RAI1: variants seen among roughly 807,000 people sequenced by gnomAD.
The protein encoded by RAI1 is retinoic acid-induced protein 1.
Under a neutral mutation model 123.8 loss-of-function variants are expected in RAI1, and 9 were observed. The observed-to-expected ratio is 0.07, with a 90% confidence interval of 0.04 to 0.13. The LOEUF (loss-of-function observed/expected upper bound fraction) is 0.13. RAI1 is among the 10% of genes least tolerant of loss of function. The pLI, the probability that RAI1 is intolerant of heterozygous loss-of-function variation, is 1.00. For missense variants in RAI1, 2,256 were observed against 2,545.8 expected (o/e 0.89, Z 2.45); for synonymous variants, 1,231 against 1,127.3 (o/e 1.09, Z -1.84).
At chr17:17,791,962 G>A (rs2032026375) in intron 2 of RAI1, among the ~76,000 whole-genome samples, 1 of 152,170 alleles carries the variant, frequency 6.6e-6, no homozygotes, top group African/African-American at 2.4e-5. Flanking sequence ...GGGCTCTTGA[G>A]TGTTGCCTGC....
At chr17:17,731,420 G>C (rs1387982558) in intron 2 of RAI1, among the ~76,000 whole-genome samples, 1 of 152,222 alleles carries the variant, frequency 6.6e-6, no homozygotes, top group African/African-American at 2.4e-5. Context: ...AGGCCTGGGG[G>C]TGTGGGTGGC....
intron 1 of RAI1, among the ~76,000 whole-genome samples, chr17:17,682,126 G>A (rs1014602354): frequency 6.6e-6 from 1 of 150,878 alleles, no homozygotes; most frequent in African/African-American, 2.4e-5. Context: ...CTTGCGCCGA[G>A]GCGCGGAGTC....
At position 17,797,259 on chromosome 17, in the gene RAI1, T is replaced by C. The variant is rs4925112; in HGVS notation, c.4311T>C (p.Pro1437=). 0.065 allele frequency: 105,067 copies of C among 1,612,960 alleles called. 5,087 individuals carry two copies. Among genetic ancestry groups the C allele is most frequent in the African/African-American group, 0.25 (18,595 of 74,972 alleles). Residue 1437 remains proline, a synonymous_variant, in exon 3 of 6, where the codon CCT becomes CCC. Coordinates refer to ENST00000353383, the MANE Select transcript of RAI1 (RefSeq NM_030665.4). ...EAFTSPEALQ[P]GGTALAPKKR... is the part of the protein sequence containing the mutation. ...TCACATCCCCGGAGGCCCTGCAGCC[T>C]GGGGGGACTGCCCTGGCGCCTAAGA...
chr17:17,710,073 C>T (rs555960419), intron 1 of RAI1, among the ~76,000 whole-genome samples: 6 of 152,314 alleles, frequency 3.9e-5, no homozygotes, highest in Admixed American at 3.9e-4. Flanking sequence ...CTCGCCTAGC[C>T]CCGGCCACGC....
At chr17:17,761,973 A>T (rs1472388883) in intron 2 of RAI1, among the ~76,000 whole-genome samples, 1 of 151,996 alleles carries the variant, frequency 6.6e-6, no homozygotes, top group Admixed American at 6.6e-5. Flanking sequence ...TTTTGGTTGA[A>T]CCAGAAGTTC....
chr17:17,688,636 C>T (rs566176052), intron 1 of RAI1, among the ~76,000 whole-genome samples: 2 of 151,976 alleles, frequency 1.3e-5, no homozygotes, highest in South Asian at 4.2e-4. Context: ...CGCTCTGTCG[C>T]CCAGGCTGGA....
chr17:17,768,985 G>A (rs531743100), intron 2 of RAI1, among the ~76,000 whole-genome samples: 8 of 152,332 alleles, frequency 5.3e-5, no homozygotes, highest in East Asian at 1.9e-4. Flanking sequence ...AGATGAAGCC[G>A]TGGCAAAGGG....
At chr17:17,729,011 A>G (rs1248328481) in intron 2 of RAI1, among the ~76,000 whole-genome samples, 1 of 152,144 alleles carries the variant, frequency 6.6e-6, no homozygotes, top group Non-Finnish European at 1.5e-5. Context: ...TGTGATGTCC[A>G]TTCACGTGGG....
chr17:17,730,672 C>T (rs980042847), intron 2 of RAI1, among the ~76,000 whole-genome samples: 8 of 152,344 alleles, frequency 5.3e-5, no homozygotes, highest in East Asian at 1.9e-4. Context: ...GGGGCAGGGA[C>T]GGCAAAGCTG....
intron 2 of RAI1, among the ~76,000 whole-genome samples, chr17:17,755,332 G>A (rs1275291773): frequency 2.0e-5 from 3 of 152,238 alleles, no homozygotes; most frequent in African/African-American, 7.2e-5. Flanking sequence ...GGGTGGATGG[G>A]GCGGGAGTGA....
chr17:17,703,378 G>A (rs1339727207), intron 1 of RAI1, among the ~76,000 whole-genome samples: 1 of 152,214 alleles, frequency 6.6e-6, no homozygotes, highest in Non-Finnish European at 1.5e-5. Context: ...TTTCCATGCA[G>A]GGTGGGGACT....
chr17:17,749,519 G>A (rs2030068799), intron 2 of RAI1, among the ~76,000 whole-genome samples: 1 of 152,240 alleles, frequency 6.6e-6, no homozygotes. Context: ...TATTAGCATG[G>A]CCACAATTTA....
chr17:17,785,801 C>T (rs776791549), intron 2 of RAI1, among the ~76,000 whole-genome samples: 1 of 152,220 alleles, frequency 6.6e-6, no homozygotes, highest in Non-Finnish European at 1.5e-5. Flanking sequence ...AGAGCTTCTG[C>T]TGGGCCCGTG....
chr17:17,773,376 T>A (rs1320108565), intron 2 of RAI1, among the ~76,000 whole-genome samples: 1 of 152,178 alleles, frequency 6.6e-6, no homozygotes, highest in Non-Finnish European at 1.5e-5. Flanking sequence ...TTGGCGTCCC[T>A]GCAGCCCAAG....
Position 17,797,582 on chromosome 17 carries a change from C to G in RAI1, c.4634C>G (p.Ala1545Gly), listed in dbSNP as rs1298558818. The G allele has an allele frequency of 1.2e-6, 2 of 1,614,086 alleles. No individual in the cohort carries two copies. Among genetic ancestry groups the G allele is most frequent in the Middle Eastern group, 1.6e-4 (1 of 6,062 alleles). Reference protein sequence around the residue: ...SKRKRLTRGRAKNTTSSPCKG... With the variant: ...SKRKRLTRGRGKNTTSSPCKG... ...CGGAAGCGCCTCACTCGGGGCCGGG[C>G]CAAGAACACCACCTCTTCACCCTGT... Residue 1545 changes from alanine to glycine, a missense_variant, in exon 3 of 6, where the codon GCC becomes GGC. Around this residue, in one of 7 missense-constraint regions of RAI1, gnomAD observed 410 missense variants for 374.6 expected, o/e 1.09. Transcript: ENST00000353383.
At chr17:17,689,366 A>T (rs1181877591) in intron 1 of RAI1, among the ~76,000 whole-genome samples, 1 of 152,210 alleles carries the variant, frequency 6.6e-6, no homozygotes, top group African/African-American at 2.4e-5. Flanking sequence ...AGCCAGGTCA[A>T]GGCAGATGGA....
At chr17:17,790,689 G>A (rs2031981689) in intron 2 of RAI1, among the ~76,000 whole-genome samples, 1 of 152,280 alleles carries the variant, frequency 6.6e-6, no homozygotes, top group African/African-American at 2.4e-5. Flanking sequence ...AAATGAGAGT[G>A]ATCTGGGACT....
intron 2 of RAI1, among the ~76,000 whole-genome samples, chr17:17,725,609 A>ATC: frequency 6.6e-6 from 1 of 152,166 alleles, no homozygotes; most frequent in Non-Finnish European, 1.5e-5. Context: ...CGGGGGATGC[A>ATC]GAGGAAGGGG....
At chr17:17,759,391 T>C (rs752591299) in intron 2 of RAI1, 1 of 152,194 alleles carries the variant, frequency 6.6e-6, no homozygotes, top group Non-Finnish European at 1.5e-5. Flanking sequence ...CTCCACCTAG[T>C]GACAAATAAT....
Sources: gnomAD v4.1 joint callset for allele counts (sites outside exome capture counted in the v4.1 genomes callset) on GRCh38, gnomAD v4.1.1 for gene constraint, gnomAD v4.1.1 regional missense constraint, MANE v1.5 for transcripts, NCBI Gene and HGNC (gene_info 2026-07-23, HGNC 2026-07-21) for gene names.